Variants in FSHR observed in about 807,000 individuals in gnomAD.
FSHR encodes follicle-stimulating hormone receptor.
Under a neutral mutation model 52.1 loss-of-function variants are expected in FSHR, and 46 were observed. The ratio of observed to expected loss-of-function variants is 0.88; its 90% CI spans 0.70 to 1.13. FSHR has a LOEUF of 1.13. FSHR is among the 50% of genes most tolerant of loss of function. The probability of loss-of-function intolerance (pLI) is 0.00; values close to 1 mark genes in which losing one functional copy is unlikely to be tolerated. For synonymous variants in FSHR, 399 were observed against 309.6 expected (o/e 1.29, Z -3.03); for missense variants, 964 against 834.6 (o/e 1.16, Z -1.91).
chr2:49,062,347 C>A (rs78812759), intron 2 of FSHR, among the ~76,000 whole-genome samples: 2 of 152,092 alleles, frequency 1.3e-5, no homozygotes, highest in East Asian at 3.9e-4. Flanking sequence ...TGTGCTGGGA[C>A]AACTGGATAT....
intron 2 of FSHR, among the ~76,000 whole-genome samples, chr2:49,021,070 T>A (rs1295486658): frequency 6.6e-6 from 1 of 151,990 alleles, no homozygotes; most frequent in African/African-American, 2.4e-5. Context: ...AACCTGCACA[T>A]CCTGCACATG....
intron 2 of FSHR, among the ~76,000 whole-genome samples, chr2:49,053,499 G>A (rs1000818183): frequency 6.6e-6 from 1 of 152,132 alleles, no homozygotes; most frequent in African/African-American, 2.4e-5. Context: ...TAAAGACAAT[G>A]TAAACAGTTT....
chr2:49,113,757 G>A (rs1437600393), intron 1 of FSHR, among the ~76,000 whole-genome samples: 1 of 152,114 alleles, frequency 6.6e-6, no homozygotes, highest in Admixed American at 6.5e-5. Context: ...TTTAAACTGT[G>A]CCAAAAAGGA....
rs573960960 is a variant in FSHR at position 49,077,494 on chromosome 2, C to T, written c.153-9204G>A. 1.2e-4 allele frequency among the ~76,000 whole-genome samples: 18 copies of T among 152,272 alleles called. No homozygotes were observed. The South Asian group carries it at 3.1e-3, about 26-fold the overall frequency. ...ATGAGAGCAGCTGCTGTGAAGATCTCTAACGTGCCCTGGAGACATTTCCCC... is the reference window on the plus strand; with the variant it reads ...ATGAGAGCAGCTGCTGTGAAGATCTTTAACGTGCCCTGGAGACATTTCCCC... On this transcript the variant is annotated intron_variant, in intron 1 of 9. Transcript: ENST00000406846.
chr2:49,000,629 A>G (rs1666838224), intron 4 of FSHR, among the ~76,000 whole-genome samples: 1 of 152,116 alleles, frequency 6.6e-6, no homozygotes, highest in African/African-American at 2.4e-5. Flanking sequence ...GTGGAGAGTT[A>G]AATTCGGGGA....
At chr2:49,126,665 T>A (rs550624160) in intron 1 of FSHR, among the ~76,000 whole-genome samples, 1 of 152,282 alleles carries the variant, frequency 6.6e-6, no homozygotes, top group South Asian at 2.1e-4. Flanking sequence ...GGACTGGGGA[T>A]CACTATGTTC....
chr2:49,064,169 G>C (rs1427465645), intron 2 of FSHR, among the ~76,000 whole-genome samples: 1 of 151,918 alleles, frequency 6.6e-6, no homozygotes, highest in Admixed American at 6.6e-5. Context: ...GTTGAAAATG[G>C]ATGAGGGAGA....
chr2:49,032,879 T>C (rs932501738), intron 2 of FSHR, among the ~76,000 whole-genome samples: 3 of 152,232 alleles, frequency 2.0e-5, no homozygotes, highest in African/African-American at 7.2e-5. Flanking sequence ...TTATTTATTT[T>C]TTCCTAAAAA....
intron 4 of FSHR, among the ~76,000 whole-genome samples, chr2:48,993,943 A>T (rs1675904234): frequency 6.6e-6 from 1 of 152,116 alleles, no homozygotes; most frequent in Non-Finnish European, 1.5e-5. Flanking sequence ...TCTCAATATA[A>T]CTGCATCTGT....
At chr2:48,970,551 A>T (rs557506859) in intron 8 of FSHR, among the ~76,000 whole-genome samples, 1 of 152,232 alleles carries the variant, frequency 6.6e-6, no homozygotes, top group African/African-American at 2.4e-5. Context: ...AAATATTAGT[A>T]TATCTTTATA....
intron 2 of FSHR, among the ~76,000 whole-genome samples, chr2:49,061,183 T>C (rs2104325551): frequency 6.6e-6 from 1 of 152,168 alleles, no homozygotes; most frequent in South Asian, 2.1e-4. Context: ...CATCTAATCC[T>C]GCCAAGGAGA....
At chr2:49,099,209 G>C (rs1670937464) in intron 1 of FSHR, among the ~76,000 whole-genome samples, 1 of 152,040 alleles carries the variant, frequency 6.6e-6, no homozygotes, top group Non-Finnish European at 1.5e-5. Flanking sequence ...CATGTTGTGG[G>C]AGAGACCCAG....
chr2:49,001,204 G>A (rs13008674), intron 4 of FSHR, among the ~76,000 whole-genome samples: 120,678 of 152,118 alleles, frequency 0.79, 48,040 homozygotes, highest in African/African-American at 0.84. Flanking sequence ...TAAATGCCTT[G>A]CCTGTATTAA....
intron 3 of FSHR, among the ~76,000 whole-genome samples, 177 bp downstream of exon 3, chr2:49,019,909 C>A (rs1234847542): frequency 1.3e-5 from 2 of 152,162 alleles, no homozygotes; most frequent in African/African-American, 4.8e-5. Context: ...CTGAGCTGGT[C>A]CCTGGGTCAC....
At chr2:49,022,933 T>C (rs2104231535) in intron 2 of FSHR, among the ~76,000 whole-genome samples, 1 of 152,322 alleles carries the variant, frequency 6.6e-6, no homozygotes, top group South Asian at 2.1e-4. Flanking sequence ...ATGCAGATTC[T>C]CATTGGGAAG....
intron 1 of FSHR, among the ~76,000 whole-genome samples, chr2:49,117,185 G>A (rs372229265): frequency 1.3e-5 from 2 of 152,244 alleles, no homozygotes; most frequent in African/African-American, 4.8e-5. Context: ...AATCACTGAG[G>A]ACAACTACGG....
At chr2:49,134,257 T>C (rs1272851869) in intron 1 of FSHR, among the ~76,000 whole-genome samples, 1 of 152,126 alleles carries the variant, frequency 6.6e-6, no homozygotes, top group Non-Finnish European at 1.5e-5. Flanking sequence ...GGGCAAAGGA[T>C]ATGAACAGAC....
chr2:49,070,472 G>T (rs1037660724), intron 1 of FSHR, among the ~76,000 whole-genome samples: 1 of 152,064 alleles, frequency 6.6e-6, no homozygotes, highest in African/African-American at 2.4e-5. Context: ...CAAGACAGAA[G>T]AATGATGAAA....
At chr2:49,051,454 G>A (rs909081206) in intron 2 of FSHR, among the ~76,000 whole-genome samples, 5 of 151,882 alleles carry the variant, frequency 3.3e-5, no homozygotes, top group Non-Finnish European at 4.4e-5. Flanking sequence ...GCATCTTTTC[G>A]TATGCTTATT....
Sources: allele counts gnomAD v4.1 joint callset (sites outside exome capture counted in the v4.1 genomes callset), GRCh38; gene constraint gnomAD v4.1.1; transcripts MANE v1.5; gene names NCBI Gene and HGNC (gene_info 2026-07-23, HGNC 2026-07-21).